Variants in FGD6 observed in about 807,000 individuals in gnomAD.
FGD6 encodes the protein FYVE, RhoGEF and PH domain containing 6.
FGD6 carries 90 observed loss-of-function variants against 149.4 expected under a neutral mutation model. That is an observed-to-expected ratio of 0.60 (90% CI 0.51 to 0.72). The LOEUF (loss-of-function observed/expected upper bound fraction) is 0.72. FGD6 is among the 30% of genes least tolerant of loss of function. The pLI is 0.00. For synonymous variants in FGD6, 527 were observed against 584.0 expected (o/e 0.90, Z 1.41); for missense variants, 1,437 against 1,684.8 (o/e 0.85, Z 2.57).
Position 95,127,069 on chromosome 12 carries a change from G to A in FGD6, c.3082+7670C>T, listed in dbSNP as rs1484666101. Among the ~76,000 whole-genome samples, 7 of 151,640 alleles carry A rather than the reference G, an allele frequency of 4.6e-5. 1 individual carries two copies. The highest frequency in any genetic ancestry group is 1.2e-4 in the African/African-American group (5 of 41,394). On this transcript the variant is annotated intron_variant, in intron 8 of 20. Transcript: ENST00000343958. ...CCTTATATCAGACACCTTTGGGCTC[G>A]TCAGAAACTAGATAACTAGATTCCT...
intron 19 of FGD6, 81 bp downstream of exon 19, chr12:95,085,699 A>G (rs970212150): frequency 7.0e-7 from 1 of 1,437,800 alleles, no homozygotes; most frequent in Non-Finnish European, 9.2e-7. Context: ...TGTAAAATAA[A>G]TGGATTTTTA....
chr12:95,103,223 C>T (rs1265228776), intron 14 of FGD6, among the ~76,000 whole-genome samples: 1 of 152,188 alleles, frequency 6.6e-6, no homozygotes, highest in Admixed American at 6.5e-5. Context: ...GCCTGGCATA[C>T]AGTAAGTGTT....
chr12:95,190,314 C>T (rs1012234140), intron 2 of FGD6, among the ~76,000 whole-genome samples: 5 of 152,178 alleles, frequency 3.3e-5, no homozygotes, highest in South Asian at 2.1e-4. Flanking sequence ...AGATTACAGG[C>T]GGCCACCACT....
intron 1 of FGD6, among the ~76,000 whole-genome samples, chr12:95,212,061 A>G (rs2056730657): frequency 1.3e-5 from 2 of 152,248 alleles, no homozygotes; most frequent in Non-Finnish European, 2.9e-5. Flanking sequence ...GAAATTTTCT[A>G]AATTTAAAAA....
chr12:95,097,494 G>C (rs1413136859), intron 14 of FGD6, among the ~76,000 whole-genome samples: 1 of 152,016 alleles, frequency 6.6e-6, no homozygotes, highest in Non-Finnish European at 1.5e-5. Context: ...AAATTAGCCA[G>C]GCATGGCGGT....
chr12:95,127,842 T>C (rs970266552), intron 8 of FGD6, among the ~76,000 whole-genome samples: 5 of 152,192 alleles, frequency 3.3e-5, no homozygotes, highest in African/African-American at 1.2e-4. Flanking sequence ...AAAGGACTAT[T>C]TTTTTCTAAC....
At chr12:95,204,828 A>G (rs1268587039) in intron 2 of FGD6, among the ~76,000 whole-genome samples, 1 of 152,218 alleles carries the variant, frequency 6.6e-6, no homozygotes, top group African/African-American at 2.4e-5. Flanking sequence ...GACTAAACTG[A>G]GGACTTCACC....
At chr12:95,139,542 G>A (rs1283036291) in intron 6 of FGD6, among the ~76,000 whole-genome samples, 1 of 151,716 alleles carries the variant, frequency 6.6e-6, no homozygotes, top group Non-Finnish European at 1.5e-5. Flanking sequence ...CACCATGTTG[G>A]CCAGGCTGGT....
chr12:95,089,991 C>T (rs1258167283), intron 17 of FGD6, among the ~76,000 whole-genome samples: 1 of 152,058 alleles, frequency 6.6e-6, no homozygotes, highest in Non-Finnish European at 1.5e-5. Flanking sequence ...AAAACCTTCC[C>T]TACTGCCGTA....
intron 7 of FGD6, 26 bp downstream of exon 7, chr12:95,137,496 G>A (rs372566317): frequency 6.8e-7 from 1 of 1,473,640 alleles, no homozygotes; most frequent in Non-Finnish European, 9.0e-7. Flanking sequence ...AAAGAGAAGT[G>A]TTCAACATTA....
chr12:95,176,008 C>T (rs1309681538), intron 2 of FGD6, among the ~76,000 whole-genome samples: 1 of 152,182 alleles, frequency 6.6e-6, no homozygotes, highest in African/African-American at 2.4e-5. Flanking sequence ...CTAGGATCCA[C>T]ATTTTACATG....
At chr12:95,156,526 A>G (rs1464750610) in intron 3 of FGD6, among the ~76,000 whole-genome samples, 1 of 152,158 alleles carries the variant, frequency 6.6e-6, no homozygotes, top group Non-Finnish European at 1.5e-5. Flanking sequence ...TATCAATGAC[A>G]ATGTGTGCCC....
intron 2 of FGD6, among the ~76,000 whole-genome samples, chr12:95,193,533 T>G (rs889810541): frequency 3.3e-5 from 5 of 150,388 alleles, no homozygotes; most frequent in African/African-American, 9.8e-5. Context: ...AATTCTTGTT[T>G]TTTTTTTTTT....
Position 95,113,908 on chromosome 12 carries a change from G to A in FGD6, c.3083-207C>T, listed in dbSNP as rs141701891. Reference sequence around the variant, plus strand: ...GTCAGAGCTAGAAAAAGCCTTGGAGGAAACATTGGTTATTTTAGAGATGAG... The same window carrying A: ...GTCAGAGCTAGAAAAAGCCTTGGAGAAAACATTGGTTATTTTAGAGATGAG... On this transcript the variant is annotated intron_variant, in intron 8 of 20. Coordinates refer to ENST00000343958, the MANE Select transcript of FGD6 (RefSeq NM_018351.4). 5.5e-3 allele frequency among the ~76,000 whole-genome samples: 840 copies of A among 152,246 alleles called. 8 individuals are homozygous for A. Among genetic ancestry groups the A allele is most frequent in the African/African-American group, 0.019 (806 of 41,544 alleles).
At chr12:95,089,433 T>A in intron 18 of FGD6, 136 bp downstream of exon 18, 1 of 1,120,488 alleles carries the variant, frequency 8.9e-7, no homozygotes. Flanking sequence ...ATCAGCCACA[T>A]CCATCATCAG....
At chr12:95,184,760 T>G (rs1313078667) in intron 2 of FGD6, among the ~76,000 whole-genome samples, 1 of 151,930 alleles carries the variant, frequency 6.6e-6, no homozygotes, top group African/African-American at 2.4e-5. Flanking sequence ...TTTTTATATT[T>G]TTAGTGGAGA....
chr12:95,129,308 C>T, intron 8 of FGD6, among the ~76,000 whole-genome samples: 1 of 74,622 alleles, frequency 1.3e-5, no homozygotes, highest in Non-Finnish European at 2.7e-5. Flanking sequence ...TGCATGCATG[C>T]ATGCATCCAT....
chr12:95,202,179 G>A (rs1423253722), intron 2 of FGD6, among the ~76,000 whole-genome samples: 1 of 151,922 alleles, frequency 6.6e-6, no homozygotes, highest in African/African-American at 2.4e-5. Flanking sequence ...TTGAGGTCAG[G>A]AGTTCAATAC....
At chr12:95,196,279 ATTAT>A (rs1254079665) in intron 2 of FGD6, among the ~76,000 whole-genome samples, 1 of 152,234 alleles carries the variant, frequency 6.6e-6, no homozygotes, top group East Asian at 1.9e-4. Context: ...GAAGGAAGTT[ATTAT>A]TTATTTATTT....
Sources: gnomAD v4.1 joint callset for allele counts (sites outside exome capture counted in the v4.1 genomes callset) on GRCh38, gnomAD v4.1.1 for gene constraint, MANE v1.5 for transcripts, NCBI Gene and HGNC (gene_info 2026-07-23, HGNC 2026-07-21) for gene names.